CDKAL1: variants seen among roughly 807,000 people sequenced by gnomAD.
CDKAL1 encodes threonylcarbamoyladenosine tRNA methylthiotransferase.
Under a neutral mutation model 68.2 loss-of-function variants are expected in CDKAL1, and 32 were observed. The ratio of observed to expected loss-of-function variants is 0.47; its 90% CI spans 0.35 to 0.63. The LOEUF is 0.63. Ranked by LOEUF, CDKAL1 falls within the 30% of genes least tolerant of loss-of-function variation. The pLI is 0.00. For missense variants in CDKAL1, 606 were observed against 696.7 expected, an observed-to-expected ratio of 0.87 and a Z score of 1.47; for synonymous variants, 234 against 244.3, an observed-to-expected ratio of 0.96 and a Z score of 0.39.
At chr6:21,061,923 A>G (rs1270816418) in intron 11 of CDKAL1, among the ~76,000 whole-genome samples, 1 of 152,198 alleles carries the variant, frequency 6.6e-6, no homozygotes, top group African/African-American at 2.4e-5. Flanking sequence ...ATAAGTTGCT[A>G]TTCACAGTGG....
At chr6:20,905,897 A>C (rs1762211798) in intron 9 of CDKAL1, among the ~76,000 whole-genome samples, 1 of 152,230 alleles carries the variant, frequency 6.6e-6, no homozygotes, top group Non-Finnish European at 1.5e-5. Context: ...ATTCTCGGTA[A>C]ACAAAAGCTG....
chr6:20,907,109 G>C (rs1402073102), intron 9 of CDKAL1, among the ~76,000 whole-genome samples: 1 of 152,204 alleles, frequency 6.6e-6, no homozygotes, highest in Non-Finnish European at 1.5e-5. Context: ...AATGGGTATA[G>C]AGTTGCAATT....
intron 9 of CDKAL1, among the ~76,000 whole-genome samples, chr6:20,949,048 A>G (rs111866914): frequency 3.3e-5 from 5 of 152,350 alleles, no homozygotes; most frequent in African/African-American, 9.6e-5. Context: ...TATAACCAGT[A>G]TAATTACAGA....
intron 9 of CDKAL1, among the ~76,000 whole-genome samples, chr6:20,945,808 T>C (rs1378425261): frequency 6.6e-6 from 1 of 152,254 alleles, no homozygotes; most frequent in African/African-American, 2.4e-5. Flanking sequence ...GGGTTCCTTT[T>C]ATTTATTTCT....
intron 5 of CDKAL1, among the ~76,000 whole-genome samples, chr6:20,718,484 G>A (rs373465559): frequency 5.3e-5 from 8 of 152,252 alleles, no homozygotes; most frequent in African/African-American, 1.7e-4. Context: ...AGTGACTTGA[G>A]TACTGTTTAG....
chr6:20,821,239 G>A (rs141077946), intron 8 of CDKAL1, among the ~76,000 whole-genome samples: 39 of 152,196 alleles, frequency 2.6e-4, no homozygotes, highest in African/African-American at 9.4e-4. Context: ...TTTCAGTCTT[G>A]TGTGGCTGCT....
intron 5 of CDKAL1, among the ~76,000 whole-genome samples, chr6:20,693,899 A>G (rs1770983258): frequency 6.7e-6 from 1 of 148,590 alleles, no homozygotes; most frequent in African/African-American, 2.5e-5. Flanking sequence ...TTAAGACAAG[A>G]TCTCTCTGTG....
chr6:20,648,503 T>G (rs1364240594), intron 4 of CDKAL1, among the ~76,000 whole-genome samples: 1 of 152,012 alleles, frequency 6.6e-6, no homozygotes, highest in East Asian at 1.9e-4. Context: ...TGCTCTTATT[T>G]GAATCTTTCT....
At chr6:20,945,185 G>A (rs916136168) in intron 9 of CDKAL1, among the ~76,000 whole-genome samples, 1 of 151,986 alleles carries the variant, frequency 6.6e-6, no homozygotes, top group Non-Finnish European at 1.5e-5. Flanking sequence ...AACCCCTTTT[G>A]AGTATCCCTA....
intron 10 of CDKAL1, among the ~76,000 whole-genome samples, chr6:20,969,806 T>G (rs1340589350): frequency 6.6e-6 from 1 of 152,194 alleles, no homozygotes; most frequent in African/African-American, 2.4e-5. Flanking sequence ...TTTAGCACGT[T>G]CTCAGATATT....
At position 21,192,587 on chromosome 6, in the gene CDKAL1, G is replaced by C. The variant is rs531191144; in HGVS notation, c.1300-5434G>C. Among the ~76,000 whole-genome samples the C allele has an allele frequency of 8.1e-4, 122 of 149,972 alleles. 3 individuals are homozygous for C. The South Asian group carries it at 0.022, about 28-fold the overall frequency. Reference sequence around the variant, plus strand: ...AGTTACTACAATCAGTTACTTTCCTGACAGATCTCTTAAAAGGCAAAGCTT... The same window carrying C: ...AGTTACTACAATCAGTTACTTTCCTCACAGATCTCTTAAAAGGCAAAGCTT... On this transcript the variant is annotated intron_variant, in intron 13 of 15. Coordinates refer to ENST00000274695, the MANE Select transcript of CDKAL1 (RefSeq NM_017774.3).
intron 2 of CDKAL1, among the ~76,000 whole-genome samples, chr6:20,545,162 G>A (rs1763548480): frequency 6.6e-6 from 1 of 151,886 alleles, no homozygotes; most frequent in South Asian, 2.1e-4. Context: ...GTAGGAGGCA[G>A]AAGAAAACCC....
intron 8 of CDKAL1, among the ~76,000 whole-genome samples, chr6:20,790,930 G>T (rs1315116684): frequency 6.6e-6 from 1 of 152,190 alleles, no homozygotes; most frequent in Non-Finnish European, 1.5e-5. Flanking sequence ...AGGCACGACA[G>T]TGTAGAAAAC....
At chr6:20,942,302 G>GT (rs1195512114) in intron 9 of CDKAL1, among the ~76,000 whole-genome samples, 1 of 148,646 alleles carries the variant, frequency 6.7e-6, no homozygotes, top group South Asian at 2.1e-4. Context: ...GCTATTGTCA[G>GT]TTTTTTGCAT....
chr6:21,030,584 G>C (rs140295344), intron 11 of CDKAL1, among the ~76,000 whole-genome samples: 2 of 152,282 alleles, frequency 1.3e-5, no homozygotes, highest in East Asian at 3.9e-4. Context: ...CCTTTTATGA[G>C]AAGTAGTGTA....
intron 9 of CDKAL1, among the ~76,000 whole-genome samples, chr6:20,946,418 A>C (rs1291583990): frequency 6.6e-6 from 1 of 152,116 alleles, no homozygotes; most frequent in African/African-American, 2.4e-5. Context: ...ACTATTCCCT[A>C]TCAAAAATAA....
chr6:21,083,212 T>G (rs1283973009), intron 12 of CDKAL1, among the ~76,000 whole-genome samples: 1 of 152,174 alleles, frequency 6.6e-6, no homozygotes, highest in African/African-American at 2.4e-5. Flanking sequence ...TAGCATTAAT[T>G]TTATACAATG....
chr6:20,647,387 A>C (rs1491004074), intron 4 of CDKAL1, among the ~76,000 whole-genome samples: 1 of 152,168 alleles, frequency 6.6e-6, no homozygotes, highest in Non-Finnish European at 1.5e-5. Context: ...GTGGTCCCAC[A>C]CATTGCCCCT....
chr6:20,704,886 C>T (rs568479168), intron 5 of CDKAL1, among the ~76,000 whole-genome samples: 2 of 152,216 alleles, frequency 1.3e-5, no homozygotes, highest in Admixed American at 6.5e-5. Flanking sequence ...GGGTGGTCAT[C>T]TGGTTAATTT....
Sources: gnomAD v4.1 joint callset for allele counts (sites outside exome capture counted in the v4.1 genomes callset) on GRCh38, gnomAD v4.1.1 for gene constraint, MANE v1.5 for transcripts, NCBI Gene and HGNC (gene_info 2026-07-23, HGNC 2026-07-21) for gene names.